Variants in ITPR2 observed in about 807,000 individuals in gnomAD.
ITPR2 encodes the protein inositol 1,4,5-trisphosphate receptor type 2, also known as inositol 1,4,5-trisphosphate-gated calcium channel ITPR2.
In ITPR2, 207 loss-of-function variants were observed where a neutral mutation model predicts 317.1. That is an observed-to-expected ratio of 0.65 (90% CI 0.58 to 0.73). The LOEUF (loss-of-function observed/expected upper bound fraction) is 0.73, where lower values mean the gene tolerates loss of function less well. ITPR2 is among the 30% of genes least tolerant of loss of function. The pLI is 0.00. For missense variants in ITPR2, 2,613 were observed against 3,284.0 expected (o/e 0.80, Z 4.99); for synonymous variants, 1,156 against 1,149.1 (o/e 1.01, Z -0.12).
At chr12:26,408,533 A>C (rs1471018244) in intron 52 of ITPR2, among the ~76,000 whole-genome samples, 3 of 152,142 alleles carry the variant, frequency 2.0e-5, no homozygotes, top group Admixed American at 1.3e-4. Flanking sequence ...AGAGTCTCAC[A>C]CTATGAATGA....
At chr12:26,699,930 A>G (rs1198342444) in intron 9 of ITPR2, among the ~76,000 whole-genome samples, 2 of 152,228 alleles carry the variant, frequency 1.3e-5, no homozygotes, top group Non-Finnish European at 2.9e-5. Context: ...AAAATAAATT[A>G]TAAATCTGGC....
chr12:26,829,731 T>C (rs1203819212), intron 1 of ITPR2, among the ~76,000 whole-genome samples: 1 of 152,138 alleles, frequency 6.6e-6, no homozygotes, highest in Non-Finnish European at 1.5e-5. Context: ...TTACTACAAC[T>C]GTCCTTTGAA....
intron 37 of ITPR2, among the ~76,000 whole-genome samples, chr12:26,500,412 T>TCCAA (rs765861678): frequency 1.8e-4 from 28 of 152,166 alleles, no homozygotes; most frequent in Non-Finnish European, 4.0e-4. Flanking sequence ...GTTCTTCAAA[T>TCCAA]CCAAAATGCA....
intron 45 of ITPR2, among the ~76,000 whole-genome samples, chr12:26,467,997 C>G (rs1319516322): frequency 6.6e-6 from 1 of 152,118 alleles, no homozygotes; most frequent in Admixed American, 6.5e-5. Flanking sequence ...AGATCCACTA[C>G]TAATTTAGTA....
chr12:26,656,346 G>A lies in ITPR2; in HGVS notation c.2395C>T (p.Arg799Cys), dbSNP rs565066818. Residue 799 changes from arginine to cysteine, a missense_variant, in exon 19 of 57, where the codon CGC becomes TGC. Coordinates refer to ENST00000381340, the MANE Select transcript of ITPR2 (RefSeq NM_002223.4). ...RDPQESVVPV[R>C]YARLWTEIPT... ...ATTTCTGTCCAGAGCCTGGCATAGCGAACAGGCACCACGGACTCCTGGGGA... is the reference window on the plus strand; with the variant it reads ...ATTTCTGTCCAGAGCCTGGCATAGCAAACAGGCACCACGGACTCCTGGGGA... 1.7e-5 allele frequency: 28 copies of A among 1,614,106 alleles called. No individual in the cohort carries two copies. The East Asian group carries it at 2.9e-4, about 17-fold the overall frequency.
intron 5 of ITPR2, among the ~76,000 whole-genome samples, chr12:26,718,506 T>C (rs1178233750): frequency 8.0e-6 from 1 of 125,218 alleles, no homozygotes; most frequent in Non-Finnish European, 1.5e-5. Context: ...CATAAAACTG[T>C]ATATATATAT....
At chr12:26,610,341 A>G (rs1387681763) in intron 26 of ITPR2, among the ~76,000 whole-genome samples, 1 of 152,250 alleles carries the variant, frequency 6.6e-6, no homozygotes, top group African/African-American at 2.4e-5. Context: ...ATATCCTTCT[A>G]CAGGGATTTG....
intron 2 of ITPR2, among the ~76,000 whole-genome samples, chr12:26,771,038 T>G (rs1165383612): frequency 6.6e-6 from 1 of 152,214 alleles, no homozygotes; most frequent in Non-Finnish European, 1.5e-5. Flanking sequence ...TATTCGTATG[T>G]CTTGTACAAG....
At chr12:26,688,110 A>T (rs1948163986) in intron 10 of ITPR2, among the ~76,000 whole-genome samples, 1 of 152,080 alleles carries the variant, frequency 6.6e-6, no homozygotes, top group Non-Finnish European at 1.5e-5. Flanking sequence ...ATCAAGGCTC[A>T]CTATAGTCTC....
intron 21 of ITPR2, among the ~76,000 whole-genome samples, chr12:26,649,804 GATA>G (rs1947201869): frequency 6.6e-6 from 1 of 151,222 alleles, no homozygotes; most frequent in Non-Finnish European, 1.5e-5. Context: ...TAGATAGATA[GATA>G]GATAGATAGA....
chr12:26,448,462 A>G (rs1826989708), intron 45 of ITPR2, among the ~76,000 whole-genome samples: 1 of 152,184 alleles, frequency 6.6e-6, no homozygotes, highest in South Asian at 2.1e-4. Flanking sequence ...TGTGCAAATG[A>G]TGCCTACCCA....
chr12:26,712,641 AC>A (rs1388234071), intron 8 of ITPR2, among the ~76,000 whole-genome samples: 1 of 26,366 alleles, frequency 3.8e-5, no homozygotes, highest in Non-Finnish European at 1.1e-4. Flanking sequence ...AAATACACAC[AC>A]ACACACACAC....
chr12:26,354,907 G>A (rs1313118109), intron 55 of ITPR2, among the ~76,000 whole-genome samples: 2 of 152,086 alleles, frequency 1.3e-5, no homozygotes, highest in Admixed American at 6.6e-5. Context: ...CAGACGATCT[G>A]CCTGCTTTGG....
chr12:26,571,400 T>C (rs1206920558), intron 34 of ITPR2, among the ~76,000 whole-genome samples: 2 of 152,216 alleles, frequency 1.3e-5, no homozygotes, highest in African/African-American at 4.8e-5. Context: ...CAATAGATGA[T>C]AGGAAGTATT....
Position 26,818,106 on chromosome 12 carries a change from A to C in ITPR2, c.92+14584T>G, listed in dbSNP as rs1027382616. On this transcript the variant is annotated intron_variant, in intron 1 of 56. Coordinates refer to ENST00000381340, the MANE Select transcript of ITPR2 (RefSeq NM_002223.4). ...TTCAATTAAATATGTTTAAAACTAAATAATGTGGTTATTGTTTAGAATTTA... is the reference window on the plus strand; with the variant it reads ...TTCAATTAAATATGTTTAAAACTAACTAATGTGGTTATTGTTTAGAATTTA... Among the ~76,000 whole-genome samples, 12 of 152,264 alleles carry C rather than the reference A, an allele frequency of 7.9e-5. 1 individual carries two copies. Among genetic ancestry groups the C allele is most frequent in the Admixed American group, 7.2e-4 (11 of 15,290 alleles).
At chr12:26,756,862 G>A (rs1429639688) in intron 2 of ITPR2, among the ~76,000 whole-genome samples, 1 of 152,148 alleles carries the variant, frequency 6.6e-6, no homozygotes, top group Non-Finnish European at 1.5e-5. Context: ...AGACCTATTG[G>A]GCTGCATACC....
At chr12:26,827,435 ATAAATCAACCTGAGAAGC>A (rs1951025085) in intron 1 of ITPR2, among the ~76,000 whole-genome samples, 1 of 152,242 alleles carries the variant, frequency 6.6e-6, no homozygotes, top group Admixed American at 6.5e-5. Flanking sequence ...AAACAGACTG[ATAAATCAACCTGAGAAGC>A]TGGGCCACTA....
intron 26 of ITPR2, among the ~76,000 whole-genome samples, chr12:26,605,126 A>AAAATATATATAT (rs1555165395): frequency 7.3e-6 from 1 of 136,310 alleles, no homozygotes; most frequent in Admixed American, 7.3e-5. Context: ...AAAAAATAAA[A>AAAATATATATAT]ATATATATAT....
intron 32 of ITPR2, among the ~76,000 whole-genome samples, chr12:26,591,307 C>T (rs757574070): frequency 2.6e-5 from 4 of 152,082 alleles, no homozygotes; most frequent in African/African-American, 9.7e-5. Flanking sequence ...AGAAGACATA[C>T]AAATGGCAAA....
Sources: allele counts gnomAD v4.1 joint callset (sites outside exome capture counted in the v4.1 genomes callset), GRCh38; gene constraint gnomAD v4.1.1; transcripts MANE v1.5; gene names NCBI Gene and HGNC (gene_info 2026-07-23, HGNC 2026-07-21).